MTOR: variants seen among roughly 807,000 people sequenced by gnomAD.
The protein encoded by MTOR is serine/threonine-protein kinase mTOR.
In MTOR, 70 loss-of-function variants were observed where a neutral mutation model predicts 319.8. The observed-to-expected ratio is 0.22, with a 90% CI of 0.18 to 0.27. MTOR has a LOEUF of 0.27. Among genes scored for constraint, MTOR ranks in the 10% least tolerant of loss-of-function variants. MTOR has a pLI of 1.00. For missense variants in MTOR, 1,890 were observed against 3,274.4 expected (o/e 0.58, Z 10.32); for synonymous variants, 1,183 against 1,211.4 (o/e 0.98, Z 0.49).
chr1:11,108,430 T>C (rs753095402), intron 56 of MTOR, 144 bp from the exon 57 acceptor site: 3 of 688,858 alleles, frequency 4.4e-6, no homozygotes, highest in Non-Finnish European at 7.4e-6. Context: ...TTTGAAAAGT[T>C]TGGCCAGGTG....
rs1647843271 is a variant in MTOR, at chr1:11,240,333, G to A, written c.1756C>T (p.Leu586Phe). The A allele has an allele frequency of 6.3e-7, 1 of 1,596,778 alleles. No homozygotes were observed. The highest frequency in any genetic ancestry group is 8.5e-7 in the Non-Finnish European group (1 of 1,170,618). Reference sequence around the variant, plus strand: ...AATTCAAAGCTGCCAAGCGTTCGGAGGGCAAGAGTGATGCTGCCCACATCG... The same window carrying A: ...AATTCAAAGCTGCCAAGCGTTCGGAAGGCAAGAGTGATGCTGCCCACATCG... Reference protein sequence around the residue: ...ASDVGSITLALRTLGSFEFEG... With the variant: ...ASDVGSITLAFRTLGSFEFEG... The change falls in exon 11 of 58, where the codon CTC becomes TTC. Residue 586 changes from leucine to phenylalanine, a missense_variant. Coordinates refer to ENST00000361445, the MANE Select transcript of MTOR (RefSeq NM_004958.4).
At chr1:11,195,701 G>A (rs1379941163) in intron 28 of MTOR, 1 of 152,666 alleles carries the variant, frequency 6.6e-6, no homozygotes, top group African/African-American at 2.4e-5. Flanking sequence ...CCAGCAGGAG[G>A]TGGACAGAGT....
intron 54 of MTOR, chr1:11,111,485 A>C (rs77135242): frequency 7.4e-6 from 1 of 135,424 alleles, no homozygotes; most frequent in African/African-American, 5.1e-5. Flanking sequence ...TGTCTCAAGA[A>C]AAAAAAAAAA....
At chr1:11,222,851 T>A (rs1646713523) in intron 19 of MTOR, among the ~76,000 whole-genome samples, 1 of 152,054 alleles carries the variant, frequency 6.6e-6, no homozygotes, top group Non-Finnish European at 1.5e-5. Context: ...TACCAATGAA[T>A]GCTAAAATGA....
chr1:11,142,120 C>T (rs1264203985), intron 34 of MTOR, among the ~76,000 whole-genome samples: 1 of 152,160 alleles, frequency 6.6e-6, no homozygotes, highest in Non-Finnish European at 1.5e-5. Flanking sequence ...GGGACGGCTG[C>T]CTAAGGGTAT....
chr1:11,107,726 C>T (rs1641646904), intron 57 of MTOR, among the ~76,000 whole-genome samples: 1 of 152,176 alleles, frequency 6.6e-6, no homozygotes, highest in Admixed American at 6.5e-5. Context: ...AAGTTTCTGC[C>T]TTCAAGCATG....
chr1:11,216,338 T>C (rs1646470062), intron 19 of MTOR, 104 bp from the exon 20 acceptor site: 1 of 771,808 alleles, frequency 1.3e-6, no homozygotes, highest in African/African-American at 1.7e-5. Flanking sequence ...TGGAATGGGT[T>C]TCCACACTAC....
At chr1:11,172,742 G>A (rs1644860219) in intron 28 of MTOR, among the ~76,000 whole-genome samples, 1 of 151,388 alleles carries the variant, frequency 6.6e-6, no homozygotes, top group South Asian at 2.1e-4. Context: ...GGTGGCGAAC[G>A]CCTGTAATTG....
chr1:11,257,380 C>CAAAAAAA (rs1006118528), intron 3 of MTOR, among the ~76,000 whole-genome samples: 11 of 36,712 alleles, frequency 3.0e-4, no homozygotes, highest in East Asian at 8.0e-4. Flanking sequence ...TACTAAGATA[C>CAAAAAAA]AAAAAAAAAA....
chr1:11,227,871 C>T (rs904522818), intron 19 of MTOR, among the ~76,000 whole-genome samples: 1 of 152,094 alleles, frequency 6.6e-6, no homozygotes, highest in Non-Finnish European at 1.5e-5. Context: ...CTCAAAGTGT[C>T]ACCCCACAGA....
chr1:11,198,520 T>C (rs1235426804), intron 28 of MTOR, among the ~76,000 whole-genome samples: 1 of 152,162 alleles, frequency 6.6e-6, no homozygotes, highest in Non-Finnish European at 1.5e-5. Flanking sequence ...ACTAGCCAGA[T>C]GATTTTTTCT....
intron 1 of MTOR, among the ~76,000 whole-genome samples, chr1:11,261,969 G>A (rs58637725): frequency 0.031 from 4,726 of 152,212 alleles, 195 homozygotes; most frequent in African/African-American, 0.073. Context: ...AAGATTGGAT[G>A]GGGGAAACAG....
intron 29 of MTOR, among the ~76,000 whole-genome samples, chr1:11,162,608 GA>G (rs1270433878): frequency 6.6e-6 from 1 of 152,216 alleles, no homozygotes; most frequent in East Asian, 1.9e-4. Context: ...CCACAAGCCA[GA>G]AGAGAGTGGG....
intron 19 of MTOR, among the ~76,000 whole-genome samples, chr1:11,224,976 A>G (rs995538961): frequency 6.6e-6 from 1 of 152,204 alleles, no homozygotes; most frequent in African/African-American, 2.4e-5. Context: ...TATGACACCA[A>G]TTACATGAAA....
rs1338090479 is a variant in MTOR, at chr1:11,230,970, C to T, written c.2734G>A (p.Ala912Thr). Residue 912 changes from alanine to threonine, a missense_variant, in exon 18 of 58, where the codon GCC (alanine) becomes ACC (threonine). Around this residue, in one of 15 missense-constraint regions of MTOR, gnomAD observed 377 missense variants for 653.9 expected, o/e 0.58. Coordinates refer to ENST00000361445, the MANE Select transcript of MTOR (RefSeq NM_004958.4). ...GATTCTGACAGGCTGACAGCAGAGG[C>T]ATCCCGGGACTGGTCTATCATGCCA... ...NIGMIDQSRD[A>T]SAVSLSESKS... The T allele has an allele frequency of 6.2e-7, 1 of 1,614,100 alleles. No individual in the cohort carries two copies.
chr1:11,127,884 T>G lies in MTOR; in HGVS notation c.6034-78A>C, dbSNP rs1406878583. 1.5e-5 allele frequency: 24 copies of G among 1,578,122 alleles called. No individual in the cohort carries two copies. The highest frequency in any genetic ancestry group is 1.9e-5 in the Non-Finnish European group (22 of 1,162,584). On this transcript the variant is annotated intron_variant, in intron 43 of 57. Coordinates refer to ENST00000361445, the MANE Select transcript of MTOR (RefSeq NM_004958.4). The surrounding 1 kb of genome is among the most constrained non-coding windows in gnomAD (Gnocchi z 5.5). ...AGGTCTGTTTTGGAGACACAGGAGG[T>G]ACTATTTCCAGCAGTCAGAGGAAGT...
rs4845988 is a variant in MTOR at position 11,259,530 on chromosome 1, A to G, written c.-14-107T>C. 831,097 of 1,229,282 alleles carry G rather than the reference A, an allele frequency of 0.68. 290,675 individuals are homozygous for G. Among genetic ancestry groups the G allele is most frequent in the East Asian group, 0.79 (29,128 of 37,012 alleles). 76.1% of individuals were successfully genotyped at this position (1,229,282 alleles called of 1,614,324 possible). A position where few individuals can be genotyped will look rare whatever the true frequency, so the allele number is the denominator to read the frequency against. ...GATCTCCCCCTAGCCCTTGTCAGGCAGGGGATTCTAAAAAGGTTGAGAGAT... is the reference window on the plus strand; with the variant it reads ...GATCTCCCCCTAGCCCTTGTCAGGCGGGGGATTCTAAAAAGGTTGAGAGAT... On this transcript the variant is annotated intron_variant, in intron 1 of 57. Coordinates refer to ENST00000361445, the MANE Select transcript of MTOR (RefSeq NM_004958.4).
chr1:11,161,641 T>C (rs1644482721), intron 29 of MTOR, among the ~76,000 whole-genome samples: 1 of 152,208 alleles, frequency 6.6e-6, no homozygotes, highest in Admixed American at 6.5e-5. Context: ...TTCGCTGTTC[T>C]GCAGCCTCCA....
intron 24 of MTOR, 108 bp from the exon 25 acceptor site, chr1:11,209,566 A>G: frequency 2.2e-6 from 3 of 1,334,466 alleles, no homozygotes; most frequent in Non-Finnish European, 3.1e-6. Flanking sequence ...CCAGGATTTC[A>G]GTAAGAAGTA....
Sources: allele counts gnomAD v4.1 joint callset (sites outside exome capture counted in the v4.1 genomes callset), GRCh38; gene constraint gnomAD v4.1.1; regional missense constraint gnomAD v4.1.1; non-coding constraint Gnocchi (gnomAD v3.1); transcripts MANE v1.5; gene names NCBI Gene and HGNC (gene_info 2026-07-23, HGNC 2026-07-21).